FGGY: variants seen among roughly 807,000 people sequenced by gnomAD.
FGGY encodes the protein FGGY carbohydrate kinase domain containing.
A neutral mutation model predicts 71.3 loss-of-function variants in FGGY; 72 were observed. The observed-to-expected ratio is 1.01, with a 90% CI of 0.84 to 1.23. The LOEUF (loss-of-function observed/expected upper bound fraction) is 1.23, where lower values mean the gene tolerates loss of function less well. Among genes scored for constraint, FGGY ranks in the 50% most tolerant of loss-of-function variants. FGGY has a pLI of 0.00. For missense variants in FGGY, 668 were observed against 682.3 expected (o/e 0.98, Z 0.23); for synonymous variants, 251 against 250.3 (o/e 1.00, Z -0.02).
chr1:59,357,825 G>GACCA (rs2054628131), intron 4 of FGGY, among the ~76,000 whole-genome samples: 1 of 152,198 alleles, frequency 6.6e-6, no homozygotes, highest in Non-Finnish European at 1.5e-5. Context: ...TAGTGCTGAA[G>GACCA]ACCACATGCC....
At chr1:59,517,372 TCTC>T (rs2094691912) in intron 7 of FGGY, among the ~76,000 whole-genome samples, 1 of 148,364 alleles carries the variant, frequency 6.7e-6, no homozygotes, top group African/African-American at 2.5e-5. Flanking sequence ...TTCACGCCAT[TCTC>T]CTGCCTCAGC....
intron 1 of FGGY, among the ~76,000 whole-genome samples, chr1:59,305,522 T>A (rs1370765789): frequency 6.6e-6 from 1 of 152,054 alleles, no homozygotes; most frequent in Non-Finnish European, 1.5e-5. Context: ...TTATCTTTTC[T>A]CATAATGTCC....
intron 6 of FGGY, among the ~76,000 whole-genome samples, chr1:59,475,972 C>T (rs948076102): frequency 1.3e-5 from 2 of 152,202 alleles, no homozygotes; most frequent in Non-Finnish European, 2.9e-5. Flanking sequence ...CAAAGTCTTG[C>T]GTGATCTCTG....
intron 14 of FGGY, among the ~76,000 whole-genome samples, chr1:59,722,882 C>T (rs6669852): frequency 0.073 from 11,142 of 152,180 alleles, 440 homozygotes; most frequent in Non-Finnish European, 0.084. Context: ...CTGCAAGCTC[C>T]ACCTCCCAGG....
At chr1:59,345,656 G>T (rs1219679637) in intron 3 of FGGY, among the ~76,000 whole-genome samples, 1 of 151,412 alleles carries the variant, frequency 6.6e-6, no homozygotes, top group Non-Finnish European at 1.5e-5. Flanking sequence ...TTCCCTGTTA[G>T]ATCTGCCTAA....
chr1:59,599,766 C>T (rs562669221), intron 8 of FGGY, among the ~76,000 whole-genome samples: 1 of 148,534 alleles, frequency 6.7e-6, no homozygotes, highest in South Asian at 2.2e-4. Context: ...ATCAGTGAGA[C>T]AAGAATTTAT....
chr1:59,441,781 C>A (rs1200874217), intron 5 of FGGY, among the ~76,000 whole-genome samples: 2 of 152,196 alleles, frequency 1.3e-5, no homozygotes, highest in Admixed American at 6.6e-5. Context: ...CCAAACTGTA[C>A]TTTGTAATGC....
intron 7 of FGGY, among the ~76,000 whole-genome samples, chr1:59,521,262 G>A (rs766427090): frequency 9.2e-5 from 14 of 152,128 alleles, no homozygotes; most frequent in Admixed American, 4.6e-4. Flanking sequence ...TTCATGAGCC[G>A]TGGCAACAGC....
At chr1:59,343,313 C>T (rs1570679845) in intron 3 of FGGY, among the ~76,000 whole-genome samples, 1 of 152,172 alleles carries the variant, frequency 6.6e-6, no homozygotes, top group Non-Finnish European at 1.5e-5. Flanking sequence ...ACCTCCAATT[C>T]TCTTAAACGA....
rs192609626 is a variant in FGGY at position 59,732,095 on chromosome 1, C to T, written c.1513-25836C>T. ...AGGATTAAATGAATTGCTGAGTTGC[C>T]GCACACAAAGCATCTGGTCCAGTTC... On this transcript the variant is annotated intron_variant, in intron 14 of 15. Transcript: ENST00000303721. Among the ~76,000 whole-genome samples, 182 of 152,238 alleles carry T rather than the reference C, an allele frequency of 1.2e-3. 2 individuals carry two copies. Among genetic ancestry groups the T allele is most frequent in the Admixed American group, 8.4e-3 (128 of 15,294 alleles).
At chr1:59,347,839 A>C (rs193269930) in intron 4 of FGGY, among the ~76,000 whole-genome samples, 103 of 152,336 alleles carry the variant, frequency 6.8e-4, no homozygotes, top group Middle Eastern at 3.4e-3. Flanking sequence ...GTTAGACCTA[A>C]AACCATAAAA....
At chr1:59,663,660 G>A (rs2097298168) in intron 12 of FGGY, among the ~76,000 whole-genome samples, 1 of 152,090 alleles carries the variant, frequency 6.6e-6, no homozygotes, top group Non-Finnish European at 1.5e-5. Flanking sequence ...ATGAAAGGAA[G>A]GCATTTTAAG....
chr1:59,661,952 C>T (rs1029776862), intron 12 of FGGY, among the ~76,000 whole-genome samples: 2 of 150,220 alleles, frequency 1.3e-5, no homozygotes, highest in African/African-American at 2.4e-5. Context: ...ATCTCCTGAC[C>T]TGATGATCCA....
intron 6 of FGGY, among the ~76,000 whole-genome samples, chr1:59,503,195 G>A (rs1163548003): frequency 1.3e-5 from 2 of 152,128 alleles, no homozygotes; most frequent in Non-Finnish European, 2.9e-5. Context: ...GACTCTTCAT[G>A]TAGAGAATCT....
chr1:59,413,988 G>A (rs1424220354), intron 5 of FGGY, among the ~76,000 whole-genome samples: 2 of 152,184 alleles, frequency 1.3e-5, no homozygotes, highest in Non-Finnish European at 1.5e-5. Context: ...AGATTTGGCA[G>A]TGCTGGACCC....
intron 11 of FGGY, among the ~76,000 whole-genome samples, chr1:59,651,346 G>A (rs2097158509): frequency 6.6e-6 from 1 of 150,860 alleles, no homozygotes; most frequent in Non-Finnish European, 1.5e-5. Flanking sequence ...AATGTTGACA[G>A]TGGGGTGTTA....
At chr1:59,463,410 C>A (rs1024152243) in intron 6 of FGGY, among the ~76,000 whole-genome samples, 1 of 152,100 alleles carries the variant, frequency 6.6e-6, no homozygotes, top group African/African-American at 2.4e-5. Context: ...CAAAAACATG[C>A]CAAATTGTAA....
chr1:59,665,969 G>A (rs563271435), intron 12 of FGGY, among the ~76,000 whole-genome samples: 21 of 152,224 alleles, frequency 1.4e-4, no homozygotes, highest in Middle Eastern at 3.4e-3. Context: ...CACCGCGCCC[G>A]GCCCAAAACC....
intron 14 of FGGY, among the ~76,000 whole-genome samples, chr1:59,699,603 A>G (rs971024845): frequency 6.6e-6 from 1 of 152,196 alleles, no homozygotes; most frequent in African/African-American, 2.4e-5. Context: ...GGCTTCCAAT[A>G]TGCAAACAAA....
Sources: gnomAD v4.1 joint callset for allele counts (sites outside exome capture counted in the v4.1 genomes callset) on GRCh38, gnomAD v4.1.1 for gene constraint, MANE v1.5 for transcripts, NCBI Gene and HGNC (gene_info 2026-07-23, HGNC 2026-07-21) for gene names.